The following ACVRL1 variants were observed in gnomAD, a reference collection of about 807,000 sequenced individuals.
ACVRL1 encodes activin receptor type-1-like.
Under a neutral mutation model 51.9 loss-of-function variants are expected in ACVRL1, and 20 were observed. That is an observed-to-expected ratio of 0.39 (90% CI 0.27 to 0.56). ACVRL1 has a LOEUF of 0.56. Ranked by LOEUF, ACVRL1 falls within the 20% of genes least tolerant of loss-of-function variation. ACVRL1 has a pLI of 0.67. For synonymous variants in ACVRL1, 288 were observed against 280.9 expected (o/e 1.03, Z -0.25); for missense variants, 451 against 670.3 (o/e 0.67, Z 3.61).
At position 51,921,215 on chromosome 12, in the gene ACVRL1, A is replaced by G. The variant is rs2139090849; in HGVS notation, c.*322A>G. 1 of 387,962 alleles carries G rather than the reference A, an allele frequency of 2.6e-6. No homozygotes were observed. Among genetic ancestry groups the G allele is most frequent in the East Asian group, 6.2e-5 (1 of 16,224 alleles). 24.0% of individuals were successfully genotyped at this position (387,962 alleles called of 1,614,324 possible). ...CAGAGTCAGAGTGCCAAGCCAGGGAATCCCAGTCCCAGACTCAGAGCCCGG... is the reference window on the plus strand; with the variant it reads ...CAGAGTCAGAGTGCCAAGCCAGGGAGTCCCAGTCCCAGACTCAGAGCCCGG... On this transcript the variant is annotated 3_prime_UTR_variant, in exon 10 of 10. Transcript: ENST00000388922.
At position 51,916,103 on chromosome 12, in the gene ACVRL1, C is replaced by T. The variant is rs1424699739; in HGVS notation, c.1116C>T (p.Thr372=). Residue 372 remains threonine, a synonymous_variant, in exon 8 of 10, where the codon ACC becomes ACT. Coordinates refer to ENST00000388922, the MANE Select transcript of ACVRL1 (RefSeq NM_000020.3). ...TCGGCAACAACCCGAGAGTGGGCAC[C>T]AAGCGGTACATGGCACCCGAGGTGC... ...LDIGNNPRVG[T]KRYMAPEVLD... The T allele has an allele frequency of 2.5e-6, 4 of 1,613,460 alleles. No individual in the cohort carries two copies. Among genetic ancestry groups the T allele is most frequent in the South Asian group, 1.1e-5 (1 of 91,058 alleles).
intron 9 of ACVRL1, 129 bp downstream of exon 9, chr12:51,919,244 C>T: frequency 2.2e-6 from 3 of 1,373,104 alleles, no homozygotes; most frequent in Non-Finnish European, 3.0e-6. Flanking sequence ...TAGGGCACCT[C>T]TCTAGGTACT....
In ACVRL1 at chr12:51,916,025, C is replaced by A. The variant is rs199943493; in HGVS notation, c.1049-11C>A. 2 of 1,610,428 alleles carry A rather than the reference C, an allele frequency of 1.2e-6. No homozygotes were observed. Among genetic ancestry groups the A allele is most frequent in the East Asian group, 2.2e-5 (1 of 44,794 alleles). ...GGAGAGGGGCAGGAGTGACAGGCCTCACCCCCACAGGCCTGGCTGTGATGC... is the reference window on the plus strand; with the variant it reads ...GGAGAGGGGCAGGAGTGACAGGCCTAACCCCCACAGGCCTGGCTGTGATGC... On this transcript the variant is annotated splice_polypyrimidine_tract_variant and intron_variant, in intron 7 of 9. Transcript: ENST00000388922.
Position 51,919,169 on chromosome 12 carries a change from T to A in ACVRL1, c.1377+54T>A, listed in dbSNP as rs774703937. On this transcript the variant is annotated intron_variant, in intron 9 of 9. Transcript: ENST00000388922. ...GTGGGGTGGTGGCTCATGGCTGGGA[T>A]TTCTGGGCCCAGGAACTTGTGTCTG... 6 of 1,612,764 alleles carry A rather than the reference T, an allele frequency of 3.7e-6. No homozygotes were observed. In the Admixed American group the frequency reaches 8.3e-5, roughly 22 times the overall value.
chr12:51,908,532 G>A (rs1592218995), intron 1 of ACVRL1, among the ~76,000 whole-genome samples: 1 of 152,142 alleles, frequency 6.6e-6, no homozygotes, highest in East Asian at 1.9e-4. Context: ...TTTTTCTCAT[G>A]TAATCCTGGC....
rs759222565 is a variant in ACVRL1, at chr12:51,913,987, G to A, written c.539G>A (p.Ser180Asn). The A allele has an allele frequency of 6.2e-7, 1 of 1,613,562 alleles. No homozygotes were observed. Among genetic ancestry groups the A allele is most frequent in the Non-Finnish European group, 8.5e-7 (1 of 1,179,814 alleles). ...CCGTACCCCCAGGACCTCCTGGACA[G>A]TGACTGCACCACAGGGAGTGGCTCA... Reference protein sequence around the residue: ...GDSMLGDLLDSDCTTGSGSGL... With the variant: ...GDSMLGDLLDNDCTTGSGSGL... Residue 180 changes from serine to asparagine, a missense_variant, in exon 5 of 10, where the codon AGT becomes AAT. By Grantham distance (46) the Ser-to-Asn change is conservative. Transcript: ENST00000388922.
chr12:51,917,693 C>CA lies in ACVRL1; in HGVS notation c.1247-1291dup, dbSNP rs1450414524. Among the ~76,000 whole-genome samples, 1 of 152,076 alleles carries CA rather than the reference C, an allele frequency of 6.6e-6. No homozygotes were observed. Among genetic ancestry groups the CA allele is most frequent in the African/African-American group, 2.4e-5 (1 of 41,418 alleles). On this transcript the variant is annotated intron_variant, in intron 8 of 9. Transcript: ENST00000388922. The surrounding 1 kb of genome is among the most constrained non-coding windows in gnomAD (Gnocchi z 4.2). ...GTGTCACCGGTCCCTTGGGGAGACTCACGAGGTGCTTAGATTCCTCAAGAC... is the reference window on the plus strand; with the variant it reads ...GTGTCACCGGTCCCTTGGGGAGACTCAACGAGGTGCTTAGATTCCTCAAGAC...
intron 3 of ACVRL1, 41 bp downstream of exon 3, chr12:51,913,391 G>GC: frequency 6.4e-7 from 1 of 1,564,568 alleles, no homozygotes; most frequent in South Asian, 1.1e-5. Flanking sequence ...CATCTTCTTG[G>GC]CCCCTGCCCT....
intron 1 of ACVRL1, among the ~76,000 whole-genome samples, chr12:51,911,165 G>C (rs1485705390): frequency 6.6e-6 from 1 of 152,216 alleles, no homozygotes; most frequent in East Asian, 1.9e-4. Context: ...AGAAAGTCCT[G>C]TTGCTGTCTG....
At position 51,914,716 on chromosome 12, in the gene ACVRL1, TTTTAATTTAA is replaced by T. The variant is rs55800652; in HGVS notation, c.772+170_772+179del. ...GCCCACCTGCAGCATCAACCTCTTT[TTTTAATTTAA>T]TTTAATTTAATTTAATTTAATTTAA... On this transcript the variant is annotated intron_variant, in intron 6 of 9. Coordinates refer to ENST00000388922, the MANE Select transcript of ACVRL1 (RefSeq NM_000020.3). 2.0e-3 allele frequency: 645 copies of T among 316,212 alleles called. 20 individuals carry two copies. The highest frequency in any genetic ancestry group is 2.3e-3 in the Non-Finnish European group (432 of 189,368). The allele number at this position is 316,212 out of a possible 1,614,324, so 19.6% of individuals were successfully genotyped here. A position where few individuals can be genotyped will look rare whatever the true frequency, so the allele number is the denominator to read the frequency against.
intron 8 of ACVRL1, among the ~76,000 whole-genome samples, chr12:51,918,508 T>C (rs1159487844): frequency 6.6e-6 from 1 of 152,176 alleles, no homozygotes; most frequent in Non-Finnish European, 1.5e-5. Context: ...TTGGTGTTAT[T>C]ATTATCAGGC....
At chr12:51,907,154 G>A (rs1164801158), upstream of ACVRL1, among the ~76,000 whole-genome samples, 2 of 151,978 alleles carry the variant, frequency 1.3e-5, no homozygotes, top group Non-Finnish European at 2.9e-5. The surrounding 1 kb of genome is among the most constrained non-coding windows in gnomAD (Gnocchi z 4.5). Context: ...CTACAGTCTC[G>A]GCTCTGTCTC....
Position 51,913,224 on chromosome 12 carries a change from C to T in ACVRL1, c.187C>T (p.Pro63Ser). 2 of 1,590,168 alleles carry T rather than the reference C, an allele frequency of 1.3e-6. No homozygotes were observed. Among genetic ancestry groups the T allele is most frequent in the East Asian group, 2.3e-5 (1 of 44,000 alleles). Residue 63 changes from proline to serine, a missense_variant, in exon 3 of 10, where the codon CCC becomes TCC. Transcript: ENST00000388922. ...GCTGGTGCGGGAGGAGGGGAGGCAC[C>T]CCCAGGAACATCGGGGCTGCGGGAA... is the stretch of plus-strand genomic sequence containing the variant. ...VVLVREEGRH[P>S]QEHRGCGNLH...
intron 9 of ACVRL1, among the ~76,000 whole-genome samples, chr12:51,919,585 G>A (rs1940922780): frequency 6.6e-6 from 1 of 151,970 alleles, no homozygotes; most frequent in Non-Finnish European, 1.5e-5. Context: ...GTAGAGACAA[G>A]GTCTTTTATG....
Position 51,913,177 on chromosome 12 carries a change from G to C in ACVRL1, c.140G>C (p.Arg47Pro), listed in dbSNP as rs774389618. 6.3e-7 allele frequency: 1 copy of C among 1,599,206 alleles called. No individual in the cohort carries two copies. Among genetic ancestry groups the C allele is most frequent in the Non-Finnish European group, 8.5e-7 (1 of 1,174,590 alleles). ...ESPHCKGPTC[R>P]GAWCTVVLVR... is the part of the protein sequence containing the mutation. ...CCACATTGCAAGGGGCCTACCTGCCGGGGGGCCTGGTGCACAGTAGTGCTG... is the reference window on the plus strand; with the variant it reads ...CCACATTGCAAGGGGCCTACCTGCCCGGGGGCCTGGTGCACAGTAGTGCTG... The change falls in exon 3 of 10, where the codon CGG (arginine) becomes CCG (proline). Residue 47 changes from arginine to proline, a missense_variant. Physicochemically the swap from Arg to Pro is moderately radical, Grantham distance 103 (BLOSUM62 -2). Transcript: ENST00000388922.
At chr12:51,909,349 T>G (rs1469545168) in intron 1 of ACVRL1, among the ~76,000 whole-genome samples, 2 of 151,990 alleles carry the variant, frequency 1.3e-5, no homozygotes, top group African/African-American at 4.8e-5. Flanking sequence ...AAAATAAAAC[T>G]GGGCATGGTG....
chr12:51,912,378 ACT>A (rs1239824332), intron 1 of ACVRL1, 90 bp from the exon 2 acceptor site: 8 of 1,448,954 alleles, frequency 5.5e-6, no homozygotes, highest in South Asian at 2.3e-5. Flanking sequence ...TCCAAAAAAA[ACT>A]CTGTGATTTC....
Position 51,920,931 on chromosome 12 carries a change from T to TGGGGGGGTG in ACVRL1, c.*44_*52dup. On this transcript the variant is annotated 3_prime_UTR_variant, in exon 10 of 10. Transcript: ENST00000388922. ...TGATTCCTTTCTGCCTGCAGGGGGC[T>TGGGGGGGTG]GGGGGGGTGGGGGGCAGTGGATGGT... 9.9e-6 allele frequency: 2 copies of TGGGGGGGTG among 203,010 alleles called. No homozygotes were observed. Among genetic ancestry groups the TGGGGGGGTG allele is most frequent in the Admixed American group, 1.3e-4 (2 of 15,186 alleles). 12.6% of individuals were successfully genotyped at this position (203,010 alleles called of 1,614,324 possible). A position where few individuals can be genotyped will look rare whatever the true frequency, so the allele number is the denominator to read the frequency against.
Position 51,917,937 on chromosome 12 carries a change from G to C in ACVRL1, c.1247-1048G>C, listed in dbSNP as rs978510609. Among the ~76,000 whole-genome samples, 1 of 152,222 alleles carries C rather than the reference G, an allele frequency of 6.6e-6. No individual in the cohort carries two copies. Among genetic ancestry groups the C allele is most frequent in the Non-Finnish European group, 1.5e-5 (1 of 68,046 alleles). ...GTGTCAGCCCCGGCACTGATTAAAG[G>C]CCCATTAGACACATTCAGGCCTCTG... On this transcript the variant is annotated intron_variant, in intron 8 of 9. Coordinates refer to ENST00000388922, the MANE Select transcript of ACVRL1 (RefSeq NM_000020.3). This position sits in a 1 kb window ranked among gnomAD's most constrained non-coding sequence, Gnocchi z 4.2.
Sources: allele counts gnomAD v4.1 joint callset (sites outside exome capture counted in the v4.1 genomes callset), GRCh38; gene constraint gnomAD v4.1.1; non-coding constraint Gnocchi (gnomAD v3.1); transcripts MANE v1.5; gene names NCBI Gene and HGNC (gene_info 2026-07-23, HGNC 2026-07-21).